ADAMTSL1: variants seen among roughly 807,000 people sequenced by gnomAD.
ADAMTSL1 encodes ADAMTS-like protein 1.
A neutral mutation model predicts 201.8 loss-of-function variants in ADAMTSL1; 126 were observed. The ratio of observed to expected loss-of-function variants is 0.62; its 90% CI spans 0.54 to 0.72. The LOEUF (loss-of-function observed/expected upper bound fraction) is 0.72. Ranked by LOEUF, ADAMTSL1 falls within the 30% of genes least tolerant of loss-of-function variation. The pLI, the probability that ADAMTSL1 is intolerant of heterozygous loss-of-function variation, is 0.00. For synonymous variants in ADAMTSL1, 1,121 were observed against 903.4 expected (o/e 1.24, Z -4.32); for missense variants, 2,679 against 2,277.8 (o/e 1.18, Z -3.59).
chr9:18,088,876 A>G (rs773615777), intron 1 of ADAMTSL1, among the ~76,000 whole-genome samples: 5 of 152,306 alleles, frequency 3.3e-5, no homozygotes, highest in Middle Eastern at 3.4e-3. Context: ...TAACAATCCT[A>G]CTTCTGGGTA....
intron 20 of ADAMTSL1, among the ~76,000 whole-genome samples, chr9:18,802,975 T>A (rs1822893952): frequency 6.6e-6 from 1 of 152,254 alleles, no homozygotes; most frequent in South Asian, 2.1e-4. Flanking sequence ...AGGCATCTTA[T>A]GTGTTTATGA....
chr9:18,105,851 A>G (rs947598956), intron 1 of ADAMTSL1, among the ~76,000 whole-genome samples: 1 of 152,202 alleles, frequency 6.6e-6, no homozygotes, highest in African/African-American at 2.4e-5. Context: ...TGGAGAGTAG[A>G]ACAAAAAACA....
chr9:18,247,930 C>A (rs1253728630), intron 2 of ADAMTSL1, among the ~76,000 whole-genome samples: 1 of 151,974 alleles, frequency 6.6e-6, no homozygotes, highest in Non-Finnish European at 1.5e-5. Context: ...GTGCTTTGTG[C>A]AGAAGATGGC....
rs189838651 is a variant in ADAMTSL1 at position 18,884,832 on chromosome 9, T to G, written c.4250-2999T>G. 1.3e-3 allele frequency among the ~76,000 whole-genome samples: 191 copies of G among 152,328 alleles called. 2 individuals carry two copies. Among genetic ancestry groups the G allele is most frequent in the African/African-American group, 4.1e-3 (171 of 41,576 alleles). The stretch of plus-strand genomic sequence containing the variant: ...AAGTTTTGAAATCAGGAACTATGAA[T>G]CCTCTTTGTTCTTCTTTTTCAAGGT... On this transcript the variant is annotated intron_variant, in intron 23 of 28. Coordinates refer to ENST00000380548, the MANE Select transcript of ADAMTSL1 (RefSeq NM_001040272.6).
At chr9:18,209,124 T>C (rs1184959969) in intron 2 of ADAMTSL1, among the ~76,000 whole-genome samples, 2 of 152,196 alleles carry the variant, frequency 1.3e-5, no homozygotes, top group Non-Finnish European at 2.9e-5. Context: ...AATTCAAATC[T>C]GCATTGTATA....
intron 2 of ADAMTSL1, among the ~76,000 whole-genome samples, chr9:18,316,625 T>G (rs919901964): frequency 1.3e-5 from 2 of 152,176 alleles, no homozygotes; most frequent in Non-Finnish European, 2.9e-5. Flanking sequence ...GTTATCCTGT[T>G]CTTTTTTTCA....
At position 18,777,082 on chromosome 9, in the gene ADAMTSL1, G is replaced by A. The variant is rs762389970; in HGVS notation, c.2853G>A (p.Pro951=). ...GCGTCTACACCTGCTCAGCGGGCCC[G>A]GCCCGGGAGCACTTTGTGATTAAGC... ...DAGVYTCSAG[P]AREHFVIKLI... is the part of the protein sequence containing the mutation. The change falls in exon 19 of 29, where the codon CCG becomes CCA. Residue 951 remains proline (P), a synonymous_variant. Coordinates refer to ENST00000380548, the MANE Select transcript of ADAMTSL1 (RefSeq NM_001040272.6). 7 of 1,613,274 alleles carry A rather than the reference G, an allele frequency of 4.3e-6. No homozygotes were observed. Among genetic ancestry groups the A allele is most frequent in the East Asian group, 2.2e-5 (1 of 44,862 alleles).
intron 2 of ADAMTSL1, among the ~76,000 whole-genome samples, chr9:18,257,006 G>T (rs1831714309): frequency 1.3e-5 from 2 of 152,102 alleles, no homozygotes; most frequent in Admixed American, 1.3e-4. Flanking sequence ...AGTGGTTTTT[G>T]TTCATTAAAA....
At chr9:18,431,674 G>A (rs1819497133) in intron 2 of ADAMTSL1, among the ~76,000 whole-genome samples, 1 of 152,112 alleles carries the variant, frequency 6.6e-6, no homozygotes, top group South Asian at 2.1e-4. Context: ...CTTCCACCTT[G>A]ATAAAGAAAA....
At chr9:18,591,150 C>A (rs1216962862) in intron 4 of ADAMTSL1, among the ~76,000 whole-genome samples, 1 of 152,102 alleles carries the variant, frequency 6.6e-6, no homozygotes, top group Admixed American at 6.6e-5. Context: ...GTATTGCCAT[C>A]TATCTCTCCT....
intron 2 of ADAMTSL1, among the ~76,000 whole-genome samples, chr9:18,533,010 GA>G (rs1262263856): frequency 6.6e-6 from 1 of 151,784 alleles, no homozygotes; most frequent in Non-Finnish European, 1.5e-5. Context: ...TACTTATTTT[GA>G]AAATTTTTGA....
At chr9:18,310,165 A>G (rs189406406) in intron 2 of ADAMTSL1, among the ~76,000 whole-genome samples, 1 of 152,012 alleles carries the variant, frequency 6.6e-6, no homozygotes, top group Non-Finnish European at 1.5e-5. Flanking sequence ...CCCCTTCCTT[A>G]CACCTTACAC....
intron 2 of ADAMTSL1, among the ~76,000 whole-genome samples, chr9:18,224,229 G>T (rs1453237238): frequency 6.6e-6 from 1 of 152,060 alleles, no homozygotes; most frequent in African/African-American, 2.4e-5. Context: ...AGTTCAGAAG[G>T]CTGGGAAATC....
At chr9:18,553,975 C>G (rs1731977778) in intron 3 of ADAMTSL1, among the ~76,000 whole-genome samples, 1 of 151,792 alleles carries the variant, frequency 6.6e-6, no homozygotes, top group Admixed American at 6.6e-5. Context: ...ATTATTTTCT[C>G]TATGTAATTC....
intron 1 of ADAMTSL1, among the ~76,000 whole-genome samples, chr9:18,023,860 A>T (rs1563954883): frequency 6.6e-6 from 1 of 152,170 alleles, no homozygotes; most frequent in African/African-American, 2.4e-5. Flanking sequence ...ATTCAGGAGA[A>T]AATAGTTTGA....
intron 1 of ADAMTSL1, among the ~76,000 whole-genome samples, chr9:17,920,656 T>C (rs1404518740): frequency 6.6e-6 from 1 of 152,168 alleles, no homozygotes; most frequent in African/African-American, 2.4e-5. Context: ...CCTGCATTTT[T>C]TGGTCTCTGG....
intron 4 of ADAMTSL1, among the ~76,000 whole-genome samples, chr9:18,591,773 T>G (rs553352807): frequency 2.6e-5 from 4 of 152,178 alleles, no homozygotes; most frequent in African/African-American, 9.7e-5. Context: ...GAAATAAGTT[T>G]GTTTATTCCT....
At chr9:18,785,335 C>A (rs566493950) in intron 19 of ADAMTSL1, among the ~76,000 whole-genome samples, 1 of 152,216 alleles carries the variant, frequency 6.6e-6, no homozygotes, top group African/African-American at 2.4e-5. Context: ...AATATTCTAG[C>A]CAACTGGCTT....
chr9:18,268,263 T>A (rs916787491), intron 2 of ADAMTSL1, among the ~76,000 whole-genome samples: 60 of 152,188 alleles, frequency 3.9e-4, no homozygotes, highest in African/African-American at 1.4e-3. Flanking sequence ...CTGCTACTTG[T>A]ATTGATTATA....
Sources: allele counts gnomAD v4.1 joint callset (sites outside exome capture counted in the v4.1 genomes callset), GRCh38; gene constraint gnomAD v4.1.1; transcripts MANE v1.5; gene names NCBI Gene and HGNC (gene_info 2026-07-23, HGNC 2026-07-21).